Variants in PTPRN2 observed in about 807,000 individuals in gnomAD.
PTPRN2 encodes the protein protein tyrosine phosphatase receptor type N2.
PTPRN2 carries 74 observed loss-of-function variants against 118.8 expected under a neutral mutation model. The observed-to-expected ratio is 0.62, with a 90% CI of 0.52 to 0.76. The LOEUF is 0.76. PTPRN2 is among the 30% of genes least tolerant of loss of function. PTPRN2 has a pLI of 0.00. For synonymous variants in PTPRN2, 641 were observed against 608.0 expected (o/e 1.05, Z -0.80); for missense variants, 1,481 against 1,394.4 (o/e 1.06, Z -0.99).
At chr7:157,940,829 A>C (rs1307297658) in intron 11 of PTPRN2, among the ~76,000 whole-genome samples, 7 of 55,880 alleles carry the variant, frequency 1.3e-4, no homozygotes, top group Admixed American at 2.5e-4. Flanking sequence ...CCCTCCCCAC[A>C]GTGACACTGC....
chr7:158,413,622 C>T (rs1814387513), intron 2 of PTPRN2, among the ~76,000 whole-genome samples: 1 of 152,250 alleles, frequency 6.6e-6, no homozygotes, highest in African/African-American at 2.4e-5. Flanking sequence ...CCATGGCGAC[C>T]TCAGCAGGCG....
intron 3 of PTPRN2, among the ~76,000 whole-genome samples, chr7:158,306,721 T>C (rs1468679831): frequency 2.6e-5 from 4 of 152,178 alleles, no homozygotes; most frequent in African/African-American, 4.8e-5. Context: ...ATTTAAAATA[T>C]TGAGTTTTAC....
chr7:157,925,204 ACG>A, intron 11 of PTPRN2, among the ~76,000 whole-genome samples: 5 of 136,440 alleles, frequency 3.7e-5, no homozygotes, highest in African/African-American at 1.1e-4. Flanking sequence ...TGCATTTAGC[ACG>A]TCAGGCAAAT....
chr7:158,174,003 G>A (rs931102663), intron 5 of PTPRN2, among the ~76,000 whole-genome samples: 1 of 152,154 alleles, frequency 6.6e-6, no homozygotes, highest in African/African-American at 2.4e-5. Context: ...ACAGGATCCC[G>A]AGGTGACATA....
rs117248196 is a variant in PTPRN2 at position 158,231,760 on chromosome 7, C to T, written c.278-26487G>A. On this transcript the variant is annotated intron_variant, in intron 3 of 22. Transcript: ENST00000389418. ...TCAACAAATTCAAAGCAGCAGAAAT[C>T]ATATCAAGTATCTTTTCTGACCACC... 2.5e-3 allele frequency among the ~76,000 whole-genome samples: 375 copies of T among 152,224 alleles called. 2 individuals are homozygous for T. Among genetic ancestry groups the T allele is most frequent in the Admixed American group, 4.7e-3 (72 of 15,278 alleles).
rs13312535 is a variant in PTPRN2 at position 157,982,922 on chromosome 7, A to G, written c.1724-84185T>C. 3.0e-3 allele frequency among the ~76,000 whole-genome samples: 349 copies of G among 117,294 alleles called. 4 individuals are homozygous for G. The highest frequency in any genetic ancestry group is 5.3e-3 in the Middle Eastern group (1 of 188). 76.9% of individuals were successfully genotyped at this position (117,294 alleles called of 152,430 possible). A position where few individuals can be genotyped will look rare whatever the true frequency, so the allele number is the denominator to read the frequency against. On this transcript the variant is annotated intron_variant, in intron 11 of 22. Transcript: ENST00000389418. ...AGATGAGGAGGGAATGCAGAGTACCAGGTTCCCCCCAAACCCCGAGTCACA... is the reference window on the plus strand; with the variant it reads ...AGATGAGGAGGGAATGCAGAGTACCGGGTTCCCCCCAAACCCCGAGTCACA...
intron 3 of PTPRN2, among the ~76,000 whole-genome samples, chr7:158,238,246 AGC>A (rs1795666977): frequency 1.3e-5 from 2 of 152,088 alleles, no homozygotes; most frequent in South Asian, 4.2e-4. Flanking sequence ...CCCTCCCTAC[AGC>A]TGGGCCTGGA....
Position 158,381,034 on chromosome 7 carries a change from G to A in PTPRN2, c.164-64102C>T, listed in dbSNP as rs1810932355. On this transcript the variant is annotated intron_variant, in intron 2 of 22. Coordinates refer to ENST00000389418, the MANE Select transcript of PTPRN2 (RefSeq NM_002847.5). ...AGGCTGCACACAGCATGGGGACCCT[G>A]GGCCCAACCCACAAAACCACTTTTT... is the stretch of plus-strand genomic sequence containing the variant. Among the ~76,000 whole-genome samples the A allele has an allele frequency of 3.3e-5, 5 of 152,342 alleles. No individual in the cohort carries two copies. In the South Asian group the frequency reaches 1.0e-3, roughly 32 times the overall value.
intron 13 of PTPRN2, among the ~76,000 whole-genome samples, chr7:157,658,558 A>G (rs2150748355): frequency 6.6e-6 from 1 of 152,336 alleles, no homozygotes; most frequent in East Asian, 1.9e-4. Flanking sequence ...ACCCGCCTGC[A>G]GGCAGGACAC....
intron 2 of PTPRN2, among the ~76,000 whole-genome samples, chr7:158,482,292 G>A (rs572036355): frequency 1.5e-3 from 222 of 152,324 alleles, no homozygotes; most frequent in Non-Finnish European, 2.5e-3. Context: ...GTTCTACTGC[G>A]GGTAAAATGC....
At chr7:158,463,551 A>G (rs1463817366) in intron 2 of PTPRN2, among the ~76,000 whole-genome samples, 1 of 151,880 alleles carries the variant, frequency 6.6e-6, no homozygotes, top group African/African-American at 2.4e-5. Flanking sequence ...CATTGTTATC[A>G]CCATCCTCAT....
At chr7:158,485,395 A>C (rs1404674712) in intron 2 of PTPRN2, among the ~76,000 whole-genome samples, 26 of 24,880 alleles carry the variant, frequency 1.0e-3, no homozygotes, top group Admixed American at 1.7e-3. Flanking sequence ...CTGCTCGGCC[A>C]CCCCTCTCTG....
At chr7:158,262,559 CT>C (rs1563054300) in intron 3 of PTPRN2, among the ~76,000 whole-genome samples, 1 of 147,584 alleles carries the variant, frequency 6.8e-6, no homozygotes, top group Middle Eastern at 3.8e-3. Context: ...ACTGCACACA[CT>C]ACACACACAT....
chr7:158,318,402 A>G (rs1802525963), intron 2 of PTPRN2, among the ~76,000 whole-genome samples: 1 of 152,214 alleles, frequency 6.6e-6, no homozygotes, highest in African/African-American at 2.4e-5. Context: ...GCACGTCGAG[A>G]CGGCCCAGCT....
chr7:158,493,238 T>A (rs1380775876), intron 1 of PTPRN2, among the ~76,000 whole-genome samples: 1 of 152,178 alleles, frequency 6.6e-6, no homozygotes, highest in Non-Finnish European at 1.5e-5. Context: ...TGCACACATA[T>A]ACACACATGC....
chr7:157,684,782 G>A (rs989388090), intron 12 of PTPRN2, among the ~76,000 whole-genome samples: 3 of 151,754 alleles, frequency 2.0e-5, no homozygotes, highest in Non-Finnish European at 4.4e-5. Flanking sequence ...CACCTCCCCC[G>A]GGCCGGGGTC....
At chr7:158,110,967 G>C (rs1337654305) in intron 9 of PTPRN2, 52 bp from the exon 10 acceptor site, 7 of 1,469,386 alleles carry the variant, frequency 4.8e-6, no homozygotes, top group Non-Finnish European at 6.4e-6. Context: ...CAGCAGTCCT[G>C]GAGAACTAAA....
intron 17 of PTPRN2, among the ~76,000 whole-genome samples, chr7:157,588,153 A>G (rs1800780605): frequency 6.6e-6 from 1 of 152,202 alleles, no homozygotes; most frequent in South Asian, 2.1e-4. Flanking sequence ...CTGGTTTAGA[A>G]ACAGCTGTTG....
chr7:158,379,683 CAGAA>C (rs1810812183), intron 2 of PTPRN2, among the ~76,000 whole-genome samples: 2 of 152,192 alleles, frequency 1.3e-5, no homozygotes, highest in African/African-American at 4.8e-5. Flanking sequence ...ACAGATGAAA[CAGAA>C]AGACTCCAAG....
Sources: gnomAD v4.1 joint callset for allele counts (sites outside exome capture counted in the v4.1 genomes callset) on GRCh38, gnomAD v4.1.1 for gene constraint, MANE v1.5 for transcripts, NCBI Gene and HGNC (gene_info 2026-07-23, HGNC 2026-07-21) for gene names.